Variants in PRDM16 observed in about 807,000 individuals in gnomAD.
The protein encoded by PRDM16 is histone-lysine N-methyltransferase PRDM16.
PRDM16 carries 23 observed loss-of-function variants against 110.6 expected under a neutral mutation model. The observed-to-expected ratio is 0.21, with a 90% CI of 0.15 to 0.29. The LOEUF (loss-of-function observed/expected upper bound fraction) is 0.29. PRDM16 is among the 10% of genes least tolerant of loss of function. The pLI, the probability that PRDM16 is intolerant of heterozygous loss-of-function variation, is 1.00. For missense variants in PRDM16, 1,615 were observed against 1,794.3 expected (o/e 0.90, Z 1.81); for synonymous variants, 799 against 781.8 (o/e 1.02, Z -0.37).
intron 2 of PRDM16, among the ~76,000 whole-genome samples, chr1:3,228,931 C>T (rs1164452190): frequency 6.6e-6 from 1 of 152,248 alleles, no homozygotes; most frequent in Non-Finnish European, 1.5e-5. Context: ...TCTTTTCAGT[C>T]CTTGGGAAGA....
chr1:3,252,190 G>C (rs1639949195), intron 3 of PRDM16, among the ~76,000 whole-genome samples: 1 of 152,216 alleles, frequency 6.6e-6, no homozygotes, highest in Non-Finnish European at 1.5e-5. Flanking sequence ...CCTGTAGCTA[G>C]GTGCCCAATG....
At chr1:3,369,209 G>T (rs1052870859) in intron 3 of PRDM16, among the ~76,000 whole-genome samples, 2 of 152,138 alleles carry the variant, frequency 1.3e-5, no homozygotes, top group Non-Finnish European at 2.9e-5. Flanking sequence ...GAACTTAATT[G>T]GTTCCATTTG....
rs113982649 is a variant in PRDM16 at position 3,129,209 on chromosome 1, T to A, written c.38-56916T>A. On this transcript the variant is annotated intron_variant, in intron 1 of 16. Transcript: ENST00000270722. ...GTGTGGGTGTGTGGATATGTGTACA[T>A]GTATGTGTGTGTCTTGGCTGGTATG... is the stretch of plus-strand genomic sequence containing the variant. Among the ~76,000 whole-genome samples the A allele has an allele frequency of 1.4e-3, 204 of 149,240 alleles. 1 individual carries two copies. The highest frequency in any genetic ancestry group is 4.7e-3 in the African/African-American group (190 of 40,100).
chr1:3,145,198 G>C (rs1425733273), intron 1 of PRDM16, among the ~76,000 whole-genome samples: 1 of 152,196 alleles, frequency 6.6e-6, no homozygotes, highest in Non-Finnish European at 1.5e-5. Context: ...CCCCTCTTTG[G>C]GTTTGAGCTC....
intron 3 of PRDM16, among the ~76,000 whole-genome samples, chr1:3,349,914 T>C (rs747913190): frequency 6.6e-5 from 10 of 152,164 alleles, no homozygotes; most frequent in Non-Finnish European, 1.3e-4. Flanking sequence ...GCCGTGAATG[T>C]TTAGCTCTGC....
chr1:3,356,272 C>T (rs894844775), intron 3 of PRDM16, among the ~76,000 whole-genome samples: 3 of 152,170 alleles, frequency 2.0e-5, no homozygotes, highest in Admixed American at 6.5e-5. Flanking sequence ...CCCCCCCAGC[C>T]CCCCTGCGCC....
At chr1:3,096,640 G>A (rs1047228316) in intron 1 of PRDM16, among the ~76,000 whole-genome samples, 4 of 152,162 alleles carry the variant, frequency 2.6e-5, no homozygotes, top group African/African-American at 9.7e-5. Flanking sequence ...AGGGACGCCA[G>A]GGACTCCCTC....
At chr1:3,076,761 G>A (rs923094061) in intron 1 of PRDM16, among the ~76,000 whole-genome samples, 1 of 152,184 alleles carries the variant, frequency 6.6e-6, no homozygotes, top group Non-Finnish European at 1.5e-5. Flanking sequence ...AAACCGGCTC[G>A]GCTTCCTTGG....
chr1:3,372,454 G>A (rs987044686), intron 3 of PRDM16, among the ~76,000 whole-genome samples: 4 of 152,224 alleles, frequency 2.6e-5, no homozygotes, highest in East Asian at 1.9e-4. Context: ...GGTTATGAAT[G>A]TGACACTTCC....
At chr1:3,414,452 G>A (rs993371713) in intron 9 of PRDM16, 108 bp from the exon 10 acceptor site, 44 of 776,872 alleles carry the variant, frequency 5.7e-5, no homozygotes, top group Non-Finnish European at 8.1e-5. Context: ...CCATGGCCTT[G>A]TGACTGGCCA....
intron 2 of PRDM16, among the ~76,000 whole-genome samples, chr1:3,211,363 T>C (rs1638878268): frequency 6.6e-6 from 1 of 152,242 alleles, no homozygotes; most frequent in Admixed American, 6.5e-5. Flanking sequence ...CACCTGAAAG[T>C]TGAGATATGC....
At chr1:3,288,574 C>T (rs1640906725) in intron 3 of PRDM16, among the ~76,000 whole-genome samples, 1 of 152,118 alleles carries the variant, frequency 6.6e-6, no homozygotes, top group Middle Eastern at 3.2e-3. Context: ...CCAGCCCAAG[C>T]GGGGGACCAA....
intron 10 of PRDM16, among the ~76,000 whole-genome samples, chr1:3,415,331 C>T (rs942038719): frequency 7.9e-5 from 12 of 152,264 alleles, no homozygotes; most frequent in South Asian, 2.1e-4. Flanking sequence ...CCTTCCGCAG[C>T]GCCATGGGCT....
At chr1:3,146,496 T>C (rs1643656636) in intron 1 of PRDM16, among the ~76,000 whole-genome samples, 1 of 136,578 alleles carries the variant, frequency 7.3e-6, no homozygotes, top group African/African-American at 2.8e-5. Context: ...TTGGGGTGTA[T>C]ATGTGTGCAA....
At position 3,425,686 on chromosome 1, in the gene PRDM16, C is replaced by T. The variant is rs966657547; in HGVS notation, c.3045C>T (p.Arg1015=). 2 of 1,613,850 alleles carry T rather than the reference C, an allele frequency of 1.2e-6. No homozygotes were observed. Among genetic ancestry groups the T allele is most frequent in the Non-Finnish European group, 1.7e-6 (2 of 1,179,972 alleles). Residue 1015 remains arginine, a synonymous_variant, in exon 13 of 17, where the codon CGC becomes CGT. Transcript: ENST00000270722. This position sits in a 1 kb window ranked among gnomAD's most constrained non-coding sequence, Gnocchi z 6.9. The part of the protein sequence containing the change: ...EKPFKCHLCN[R]CFGQQTNLDR... Reference sequence around the variant, plus strand: ...CTTTCAAGTGCCACCTGTGCAACCGCTGCTTCGGGCAGCAGACCAACCTGG... The same window carrying T: ...CTTTCAAGTGCCACCTGTGCAACCGTTGCTTCGGGCAGCAGACCAACCTGG...
At chr1:3,312,229 G>A (rs1403406008) in intron 3 of PRDM16, among the ~76,000 whole-genome samples, 1 of 152,230 alleles carries the variant, frequency 6.6e-6, no homozygotes, top group Non-Finnish European at 1.5e-5. Context: ...GACATCCATG[G>A]CGCCGTCAGC....
At position 3,265,046 on chromosome 1, in the gene PRDM16, C is replaced by A. The variant is rs1294866458; in HGVS notation, c.438+20909C>A. ...AGAAACCTGAGCTGAGCCACTGAGTCCCCCAGCCTCTCTCTGACCCAGGGC... is the reference window on the plus strand; with the variant it reads ...AGAAACCTGAGCTGAGCCACTGAGTACCCCAGCCTCTCTCTGACCCAGGGC... On this transcript the variant is annotated intron_variant, in intron 3 of 16. Coordinates refer to ENST00000270722, the MANE Select transcript of PRDM16 (RefSeq NM_022114.4). The surrounding 1 kb of genome is among the most constrained non-coding windows in gnomAD (Gnocchi z 4.5). Among the ~76,000 whole-genome samples, 1 of 151,394 alleles carries A rather than the reference C, an allele frequency of 6.6e-6. No individual in the cohort carries two copies.
intron 1 of PRDM16, among the ~76,000 whole-genome samples, chr1:3,122,910 G>A (rs1408695803): frequency 1.3e-5 from 2 of 152,240 alleles, no homozygotes; most frequent in African/African-American, 2.4e-5. Context: ...TGGAGCGCGG[G>A]AAGGGCAAGA....
chr1:3,429,342 A>G (rs1002510948), intron 14 of PRDM16, among the ~76,000 whole-genome samples: 3 of 152,220 alleles, frequency 2.0e-5, no homozygotes, highest in African/African-American at 7.2e-5. Context: ...GCTCCCCAAC[A>G]CTAAAAAGCA....
Sources: gnomAD v4.1 joint callset for allele counts (sites outside exome capture counted in the v4.1 genomes callset) on GRCh38, gnomAD v4.1.1 for gene constraint, Gnocchi (gnomAD v3.1) non-coding constraint, MANE v1.5 for transcripts, NCBI Gene and HGNC (gene_info 2026-07-23, HGNC 2026-07-21) for gene names.